DLG2: variants seen among roughly 807,000 people sequenced by gnomAD.
DLG2 encodes the protein disks large homolog 2.
Under a neutral mutation model 132.5 loss-of-function variants are expected in DLG2, and 45 were observed. The ratio of observed to expected loss-of-function variants is 0.34; its 90% CI spans 0.27 to 0.44. The LOEUF (loss-of-function observed/expected upper bound fraction) is 0.44. Among genes scored for constraint, DLG2 ranks in the 20% least tolerant of loss-of-function variants. The pLI, the probability that DLG2 is intolerant of heterozygous loss-of-function variation, is 1.00. For synonymous variants in DLG2, 424 were observed against 419.6 expected, an observed-to-expected ratio of 1.01 and a Z score of -0.13; for missense variants, 1,045 against 1,196.9, an observed-to-expected ratio of 0.87 and a Z score of 1.87.
chr11:84,800,903 T>C (rs1271058605), intron 6 of DLG2, among the ~76,000 whole-genome samples: 1 of 152,208 alleles, frequency 6.6e-6, no homozygotes, highest in Non-Finnish European at 1.5e-5. Flanking sequence ...TAACATGATT[T>C]ATAAAATCCA....
At chr11:84,207,216 A>G (rs2096681969) in intron 8 of DLG2, among the ~76,000 whole-genome samples, 1 of 151,984 alleles carries the variant, frequency 6.6e-6, no homozygotes, top group Admixed American at 6.6e-5. Context: ...GAGGTAAATT[A>G]TTTTTAAGTT....
intron 6 of DLG2, among the ~76,000 whole-genome samples, chr11:84,705,142 A>G (rs1484133760): frequency 6.6e-6 from 1 of 151,698 alleles, no homozygotes; most frequent in Admixed American, 6.6e-5. Context: ...AGTTTAACTA[A>G]CACATGGAAA....
intron 11 of DLG2, among the ~76,000 whole-genome samples, chr11:84,022,177 A>T (rs1303048778): frequency 6.6e-6 from 1 of 152,158 alleles, no homozygotes; most frequent in African/African-American, 2.4e-5. Flanking sequence ...GATTCCAGGA[A>T]TTTGTCAGAA....
intron 7 of DLG2, among the ~76,000 whole-genome samples, chr11:84,505,631 T>C (rs1338759017): frequency 1.3e-5 from 2 of 152,182 alleles, no homozygotes; most frequent in African/African-American, 4.8e-5. Context: ...AGGAATTAAA[T>C]GTGATAAGAT....
At chr11:83,516,662 C>G (rs1473056797) in intron 21 of DLG2, among the ~76,000 whole-genome samples, 2 of 152,118 alleles carry the variant, frequency 1.3e-5, no homozygotes, top group Non-Finnish European at 2.9e-5. Flanking sequence ...GTGGCTGGTA[C>G]CGGTTGTTCA....
At chr11:83,673,808 T>A (rs2077247290) in intron 18 of DLG2, among the ~76,000 whole-genome samples, 1 of 152,244 alleles carries the variant, frequency 6.6e-6, no homozygotes, top group Admixed American at 6.5e-5. Context: ...TATTCAGTGC[T>A]TTGCACACAG....
At chr11:84,057,057 G>T (rs1403349085) in intron 11 of DLG2, among the ~76,000 whole-genome samples, 2 of 152,044 alleles carry the variant, frequency 1.3e-5, no homozygotes, top group Non-Finnish European at 2.9e-5. Context: ...TATTGCCTAG[G>T]TATACCAAGT....
At chr11:84,624,432 A>G (rs1333472075) in intron 6 of DLG2, among the ~76,000 whole-genome samples, 3 of 152,176 alleles carry the variant, frequency 2.0e-5, no homozygotes, top group East Asian at 3.9e-4. Context: ...ACATCTTACA[A>G]TTGATTGCTG....
At chr11:84,407,458 C>A (rs543179116) in intron 7 of DLG2, among the ~76,000 whole-genome samples, 2 of 152,146 alleles carry the variant, frequency 1.3e-5, no homozygotes, top group Admixed American at 6.5e-5. Flanking sequence ...TAAGGCCATA[C>A]ATTTTGGATT....
chr11:84,191,645 C>A (rs903816937), intron 8 of DLG2, among the ~76,000 whole-genome samples: 1 of 152,194 alleles, frequency 6.6e-6, no homozygotes, highest in East Asian at 1.9e-4. Flanking sequence ...GTTTATGACA[C>A]TTTCTTAAAG....
chr11:84,906,665 C>T (rs375998350), intron 6 of DLG2, among the ~76,000 whole-genome samples: 3 of 152,012 alleles, frequency 2.0e-5, no homozygotes, highest in African/African-American at 7.3e-5. Context: ...ATCAGGGAGG[C>T]ATGTCGTAAT....
At chr11:84,498,059 G>C (rs1406076638) in intron 7 of DLG2, among the ~76,000 whole-genome samples, 1 of 152,174 alleles carries the variant, frequency 6.6e-6, no homozygotes, top group Non-Finnish European at 1.5e-5. Context: ...TCCAAAGGGA[G>C]ACTTGCTCAT....
chr11:83,708,051 G>T (rs2153657151), intron 18 of DLG2, among the ~76,000 whole-genome samples: 1 of 152,310 alleles, frequency 6.6e-6, no homozygotes, highest in East Asian at 1.9e-4. Context: ...TCATGAGGTT[G>T]TGGTGATTAT....
intron 17 of DLG2, among the ~76,000 whole-genome samples, chr11:83,818,343 G>A (rs541257544): frequency 2.8e-4 from 43 of 152,292 alleles, no homozygotes; most frequent in African/African-American, 9.6e-4. Flanking sequence ...TAGACTTGCA[G>A]TGAGGATCTG....
Position 84,074,695 on chromosome 11 carries a change from A to AT in DLG2, c.750-15212dup, listed in dbSNP as rs1167710057. Among the ~76,000 whole-genome samples, 6 of 151,662 alleles carry AT rather than the reference A, an allele frequency of 4.0e-5. No homozygotes were observed. In the South Asian group the frequency reaches 1.0e-3, roughly 26 times the overall value. On this transcript the variant is annotated intron_variant, in intron 10 of 27. Transcript: ENST00000376104. ...AGGCGCCGGCCACCACGCCCGGCTA[A>AT]TTTTTTGTATTTTTAGTACAGACGG...
chr11:84,596,379 C>CTT (rs1211350827), intron 6 of DLG2, among the ~76,000 whole-genome samples: 10 of 121,744 alleles, frequency 8.2e-5, no homozygotes, highest in African/African-American at 8.7e-5. Flanking sequence ...AGATAATTTT[C>CTT]TTTTTTTTTT....
At chr11:85,297,154 A>G (rs566650299) in intron 3 of DLG2, among the ~76,000 whole-genome samples, 2 of 152,248 alleles carry the variant, frequency 1.3e-5, no homozygotes, top group Admixed American at 6.6e-5. Context: ...CCCAATAACT[A>G]AAGAGTTAGC....
chr11:84,308,790 C>T (rs1170488605), intron 7 of DLG2, among the ~76,000 whole-genome samples: 1 of 152,168 alleles, frequency 6.6e-6, no homozygotes, highest in Non-Finnish European at 1.5e-5. Flanking sequence ...GTGCTAAGCC[C>T]GTCATTGCCC....
chr11:84,543,865 C>T (rs1451447044), intron 6 of DLG2, among the ~76,000 whole-genome samples: 1 of 151,858 alleles, frequency 6.6e-6, no homozygotes, highest in Non-Finnish European at 1.5e-5. Context: ...GCTTTTTTTC[C>T]ACAAAGAACA....
Sources: gnomAD v4.1 joint callset for allele counts (sites outside exome capture counted in the v4.1 genomes callset) on GRCh38, gnomAD v4.1.1 for gene constraint, MANE v1.5 for transcripts, NCBI Gene and HGNC (gene_info 2026-07-23, HGNC 2026-07-21) for gene names.